The following ARMH3 variants were observed in gnomAD, a reference collection of about 807,000 sequenced individuals.
The protein encoded by ARMH3 is armadillo-like helical domain-containing protein 3.
In ARMH3, 60 loss-of-function variants were observed where a neutral mutation model predicts 99.1. The ratio of observed to expected loss-of-function variants is 0.61; its 90% CI spans 0.49 to 0.75. The LOEUF (loss-of-function observed/expected upper bound fraction) is 0.75, where lower values mean the gene tolerates loss of function less well. Among genes scored for constraint, ARMH3 ranks in the 30% least tolerant of loss-of-function variants. The pLI is 0.00. For missense variants in ARMH3, 679 were observed against 843.1 expected, an observed-to-expected ratio of 0.81 and a Z score of 2.41; for synonymous variants, 285 against 292.8, an observed-to-expected ratio of 0.97 and a Z score of 0.27.
intron 23 of ARMH3, among the ~76,000 whole-genome samples, chr10:101,938,092 C>G (rs1844071505): frequency 6.6e-6 from 1 of 152,178 alleles, no homozygotes; most frequent in Admixed American, 6.5e-5. Context: ...TGGTCTTGAA[C>G]TCCTGGGCTC....
chr10:101,990,734 C>A, intron 18 of ARMH3, 123 bp from the exon 19 acceptor site: 1 of 717,750 alleles, frequency 1.4e-6, no homozygotes. Context: ...CTAACCACAT[C>A]TTTATTCATA....
intron 1 of ARMH3, among the ~76,000 whole-genome samples, chr10:102,053,832 G>A (rs577738411): frequency 6.6e-6 from 1 of 151,956 alleles, no homozygotes; most frequent in South Asian, 2.1e-4. Context: ...CTAATTTTTT[G>A]TATTTTTAGT....
intron 23 of ARMH3, among the ~76,000 whole-genome samples, chr10:101,903,628 A>G (rs2068030830): frequency 6.6e-6 from 1 of 152,226 alleles, no homozygotes; most frequent in African/African-American, 2.4e-5. Flanking sequence ...ATTTTCTTAC[A>G]GGGAAGGAGA....
intron 22 of ARMH3, among the ~76,000 whole-genome samples, chr10:101,947,686 AC>A (rs1564783259): frequency 6.6e-6 from 1 of 151,540 alleles, no homozygotes; most frequent in Non-Finnish European, 1.5e-5. Context: ...TGTAATCCCA[AC>A]TACTTGGGAG....
intron 23 of ARMH3, among the ~76,000 whole-genome samples, chr10:101,901,026 TGAGG>T (rs2067962019): frequency 6.6e-6 from 1 of 151,368 alleles, no homozygotes; most frequent in Admixed American, 6.6e-5. Flanking sequence ...CATGCTAGAC[TGAGG>T]AAGGAGGGAA....
In ARMH3 at chr10:102,039,989, A is replaced by C. The variant is rs2067370783; in HGVS notation, c.102+24T>G. On this transcript the variant is annotated intron_variant, in intron 2 of 25. Coordinates refer to ENST00000370033, the MANE Select transcript of ARMH3 (RefSeq NM_024541.3). ...CTAAGAAACTAAAGACTCAAGCTGT[A>C]CACAACAAGGCCGCAGGCCTTACCA... 1.9e-6 allele frequency: 3 copies of C among 1,588,888 alleles called. No homozygotes were observed. The Middle Eastern group carries it at 5.0e-4, about 264-fold the overall frequency.
chr10:101,896,107 G>A (rs768151286), intron 23 of ARMH3, among the ~76,000 whole-genome samples: 7 of 152,066 alleles, frequency 4.6e-5, no homozygotes, highest in East Asian at 1.9e-4. Flanking sequence ...GGCGTGTGCC[G>A]GTAGTCCCAG....
chr10:101,857,926 C>T (rs538209991), intron 24 of ARMH3, among the ~76,000 whole-genome samples: 3 of 152,302 alleles, frequency 2.0e-5, no homozygotes, highest in African/African-American at 7.2e-5. Flanking sequence ...GAGGAATAGC[C>T]CTCTTTTCTC....
At chr10:101,962,850 G>A (rs1292004565) in intron 20 of ARMH3, among the ~76,000 whole-genome samples, 1 of 152,020 alleles carries the variant, frequency 6.6e-6, no homozygotes, top group Non-Finnish European at 1.5e-5. Context: ...GCTATCTAGG[G>A]CCAATATCTA....
intron 24 of ARMH3, among the ~76,000 whole-genome samples, chr10:101,861,941 C>T (rs1480431679): frequency 2.2e-5 from 3 of 139,304 alleles, no homozygotes; most frequent in African/African-American, 5.3e-5. Context: ...TCCCAGCACT[C>T]GGGAGGCTGA....
chr10:101,887,311 T>A (rs892858149), intron 24 of ARMH3, among the ~76,000 whole-genome samples: 2 of 152,134 alleles, frequency 1.3e-5, no homozygotes, highest in Non-Finnish European at 1.5e-5. Flanking sequence ...AAAGACTCCA[T>A]GAGAGCAATG....
chr10:101,889,707 C>T (rs2067640951), intron 23 of ARMH3: 1 of 534,232 alleles, frequency 1.9e-6, no homozygotes, highest in Non-Finnish European at 3.4e-6. Flanking sequence ...AAAATAGAAT[C>T]AAGCATCTCT....
chr10:102,049,469 G>A, intron 1 of ARMH3, among the ~76,000 whole-genome samples: 1 of 152,040 alleles, frequency 6.6e-6, no homozygotes, highest in Non-Finnish European at 1.5e-5. Context: ...TTGAACCCAG[G>A]AGGCGGAGGT....
chr10:102,029,454 T>A (rs1480730988), intron 5 of ARMH3, 184 bp downstream of exon 5: 1 of 1,546,402 alleles, frequency 6.5e-7, no homozygotes, highest in Non-Finnish European at 8.7e-7. Flanking sequence ...CAAATTTGAA[T>A]TTAAAATTTT....
intron 22 of ARMH3, among the ~76,000 whole-genome samples, chr10:101,946,243 C>T (rs1844527565): frequency 6.6e-6 from 1 of 151,976 alleles, no homozygotes; most frequent in Non-Finnish European, 1.5e-5. Flanking sequence ...GACTTTAAAG[C>T]AGTTATCATA....
At chr10:102,014,101 C>T (rs1291104987) in intron 8 of ARMH3, 77 bp from the exon 9 acceptor site, 2 of 1,200,000 alleles carry the variant, frequency 1.7e-6, no homozygotes, top group African/African-American at 1.5e-5. Flanking sequence ...AAAGTGTTAA[C>T]AAAAATGCTT....
At chr10:102,030,603 A>G (rs2067105551) in intron 4 of ARMH3, among the ~76,000 whole-genome samples, 1 of 152,070 alleles carries the variant, frequency 6.6e-6, no homozygotes, top group East Asian at 1.9e-4. Flanking sequence ...CCAGCTATTC[A>G]GCAGGCTGAG....
intron 20 of ARMH3, among the ~76,000 whole-genome samples, chr10:101,970,738 T>A: frequency 6.6e-6 from 1 of 151,690 alleles, no homozygotes; most frequent in Non-Finnish European, 1.5e-5. Flanking sequence ...GGTGGGAGGA[T>A]CCATTGGGCC....
intron 24 of ARMH3, among the ~76,000 whole-genome samples, chr10:101,853,321 C>T (rs942130746): frequency 6.6e-6 from 1 of 152,192 alleles, no homozygotes; most frequent in Non-Finnish European, 1.5e-5. Flanking sequence ...AGGAAAAAGA[C>T]ATTCTAGGCT....
Sources: gnomAD v4.1 joint callset for allele counts (sites outside exome capture counted in the v4.1 genomes callset) on GRCh38, gnomAD v4.1.1 for gene constraint, MANE v1.5 for transcripts, NCBI Gene and HGNC (gene_info 2026-07-23, HGNC 2026-07-21) for gene names.